Variants in SIPA1L3 observed in about 807,000 individuals in gnomAD.
SIPA1L3 encodes signal-induced proliferation-associated 1-like protein 3.
Under a neutral mutation model 150.1 loss-of-function variants are expected in SIPA1L3, and 59 were observed. The ratio of observed to expected loss-of-function variants is 0.39; its 90% CI spans 0.32 to 0.49. The LOEUF (loss-of-function observed/expected upper bound fraction) is 0.49, where lower values mean the gene tolerates loss of function less well. Ranked by LOEUF, SIPA1L3 falls within the 20% of genes least tolerant of loss-of-function variation. The pLI is 0.86. For missense variants in SIPA1L3, 2,211 were observed against 2,489.5 expected (o/e 0.89, Z 2.38); for synonymous variants, 1,070 against 1,077.6 (o/e 0.99, Z 0.14).
intron 15 of SIPA1L3, among the ~76,000 whole-genome samples, chr19:38,173,449 G>A (rs2146003540): frequency 6.6e-6 from 1 of 152,400 alleles, no homozygotes; most frequent in African/African-American, 2.4e-5. Context: ...TCCTGGGCGG[G>A]CAGCCACCTG....
intron 2 of SIPA1L3, among the ~76,000 whole-genome samples, chr19:38,036,192 C>T (rs986416969): frequency 3.3e-5 from 5 of 152,222 alleles, no homozygotes; most frequent in Non-Finnish European, 7.3e-5. Context: ...CAGCCAAGCC[C>T]CAAATTAGAC....
intron 15 of SIPA1L3, among the ~76,000 whole-genome samples, chr19:38,168,747 A>G (rs1972261496): frequency 6.6e-6 from 1 of 152,198 alleles, no homozygotes; most frequent in Admixed American, 6.5e-5. Flanking sequence ...GAACCCAGAA[A>G]TGAAGGCAAT....
intron 1 of SIPA1L3, among the ~76,000 whole-genome samples, chr19:37,981,379 G>T (rs1004625769): frequency 6.7e-6 from 1 of 149,904 alleles, no homozygotes; most frequent in Non-Finnish European, 1.5e-5. Context: ...ACCTATGCTT[G>T]TGCCACTGTA....
At chr19:37,997,584 A>AC (rs1967669735) in intron 1 of SIPA1L3, among the ~76,000 whole-genome samples, 1 of 134,540 alleles carries the variant, frequency 7.4e-6, no homozygotes, top group South Asian at 2.5e-4. Flanking sequence ...AAAAAAAAAA[A>AC]AAGGCCGGGC....
intron 1 of SIPA1L3, among the ~76,000 whole-genome samples, chr19:37,943,552 C>T (rs145092058): frequency 1.1e-4 from 16 of 152,236 alleles, no homozygotes; most frequent in Non-Finnish European, 2.2e-4. Context: ...GGGCAGAAAA[C>T]GGGGACTTTC....
At chr19:38,183,788 G>T (rs1972615136) in intron 16 of SIPA1L3, among the ~76,000 whole-genome samples, 1 of 152,184 alleles carries the variant, frequency 6.6e-6, no homozygotes. Context: ...CGGGGAAGGC[G>T]GGGAGGTGCG....
At chr19:38,095,388 T>C (rs1970354305) in intron 4 of SIPA1L3, among the ~76,000 whole-genome samples, 1 of 152,082 alleles carries the variant, frequency 6.6e-6, no homozygotes, top group South Asian at 2.1e-4. Flanking sequence ...ACCTCCTAAG[T>C]AACCTCCTAG....
chr19:38,040,558 C>T (rs902756471), intron 2 of SIPA1L3, among the ~76,000 whole-genome samples: 3 of 152,024 alleles, frequency 2.0e-5, no homozygotes, highest in African/African-American at 4.8e-5. Flanking sequence ...CATTCCAGTG[C>T]GAATAATAAA....
chr19:38,153,194 C>T (rs1308858040), intron 13 of SIPA1L3, among the ~76,000 whole-genome samples: 1 of 152,228 alleles, frequency 6.6e-6, no homozygotes, highest in Non-Finnish European at 1.5e-5. Context: ...GCGTCTGCTC[C>T]CGCTGATAAG....
intron 6 of SIPA1L3, chr19:38,106,181 G>A (rs1327365680): frequency 1.6e-5 from 4 of 251,340 alleles, no homozygotes; most frequent in East Asian, 1.5e-4. Context: ...ATCTCGGCTC[G>A]CTGCAACCTC....
chr19:38,130,832 G>A, intron 10 of SIPA1L3, 60 bp downstream of exon 10: 1 of 1,543,134 alleles, frequency 6.5e-7, no homozygotes, highest in Non-Finnish European at 8.8e-7. Context: ...GCTGGCATGA[G>A]GCCTCCCTGG....
At chr19:38,138,382 T>C (rs1439484309) in intron 10 of SIPA1L3, among the ~76,000 whole-genome samples, 1 of 152,176 alleles carries the variant, frequency 6.6e-6, no homozygotes, top group Non-Finnish European at 1.5e-5. Flanking sequence ...TGATCAGGAC[T>C]CTGCGTACCA....
intron 1 of SIPA1L3, among the ~76,000 whole-genome samples, chr19:37,929,256 C>T (rs113014116): frequency 1.7e-4 from 26 of 152,148 alleles, no homozygotes; most frequent in African/African-American, 6.0e-4. Context: ...AGGAGAGTGG[C>T]TACAGGAATG....
intron 1 of SIPA1L3, among the ~76,000 whole-genome samples, chr19:38,004,676 G>A (rs2145666921): frequency 6.6e-6 from 1 of 152,274 alleles, no homozygotes; most frequent in Admixed American, 6.5e-5. Flanking sequence ...ACTAGCACTG[G>A]TCATGTGATC....
intron 1 of SIPA1L3, among the ~76,000 whole-genome samples, chr19:37,948,216 G>GA (rs1342118676): frequency 2.0e-5 from 3 of 152,092 alleles, no homozygotes; most frequent in East Asian, 1.9e-4. Context: ...CATCCTGGGG[G>GA]AAAAAACCTC....
Position 37,974,068 on chromosome 19 carries a change from G to A in SIPA1L3, c.-378-55021G>A, listed in dbSNP as rs115365124. 6.8e-3 allele frequency among the ~76,000 whole-genome samples: 1,036 copies of A among 152,316 alleles called. 6 individuals carry two copies. The highest frequency in any genetic ancestry group is 0.022 in the African/African-American group (921 of 41,568). ...CATTGTCCTGGTTGTAAAGGCTGAA[G>A]GGTCATGATGCTGATCTAACATTGG... On this transcript the variant is annotated intron_variant, in intron 1 of 21. Coordinates refer to ENST00000222345, the MANE Select transcript of SIPA1L3 (RefSeq NM_015073.3).
chr19:37,937,253 GA>G (rs753496599), intron 1 of SIPA1L3, among the ~76,000 whole-genome samples: 44 of 152,092 alleles, frequency 2.9e-4, no homozygotes, highest in Non-Finnish European at 4.7e-4. Flanking sequence ...TTTGGTCCAT[GA>G]AAAAAATATT....
chr19:38,122,926 G>A (rs373383862), intron 9 of SIPA1L3, among the ~76,000 whole-genome samples: 4 of 152,240 alleles, frequency 2.6e-5, no homozygotes, highest in Admixed American at 6.5e-5. Context: ...GCACATTCAC[G>A]CGCTTTGCCT....
intron 1 of SIPA1L3, among the ~76,000 whole-genome samples, chr19:38,019,929 C>T (rs10407806): frequency 0.032 from 4,806 of 152,092 alleles, 221 homozygotes; most frequent in African/African-American, 0.11. Flanking sequence ...CTGCACAAAA[C>T]TTTTTTAAAA....
Sources: gnomAD v4.1 joint callset for allele counts (sites outside exome capture counted in the v4.1 genomes callset) on GRCh38, gnomAD v4.1.1 for gene constraint, MANE v1.5 for transcripts, NCBI Gene and HGNC (gene_info 2026-07-23, HGNC 2026-07-21) for gene names.